Variants in WWC2 observed in about 807,000 individuals in gnomAD.
The protein encoded by WWC2 is protein WWC2.
WWC2 carries 101 observed loss-of-function variants against 138.5 expected under a neutral mutation model. The observed-to-expected ratio is 0.73, with a 90% CI of 0.62 to 0.86. The LOEUF (loss-of-function observed/expected upper bound fraction) is 0.86, where lower values mean the gene tolerates loss of function less well. WWC2 is among the 40% of genes least tolerant of loss of function. The pLI is 0.00. For synonymous variants in WWC2, 558 were observed against 538.4 expected, an observed-to-expected ratio of 1.04 and a Z score of -0.50; for missense variants, 1,420 against 1,419.4, an observed-to-expected ratio of 1.00 and a Z score of -0.01.
chr4:183,256,896 C>A (rs369282706), intron 9 of WWC2, among the ~76,000 whole-genome samples: 17 of 104,590 alleles, frequency 1.6e-4, no homozygotes, highest in South Asian at 6.1e-4. Context: ...CCCCCCCCCC[C>A]CCCCCCCGGC....
intron 1 of WWC2, among the ~76,000 whole-genome samples, chr4:183,176,640 C>T (rs910428842): frequency 6.6e-6 from 1 of 152,172 alleles, no homozygotes; most frequent in African/African-American, 2.4e-5. Context: ...CCAGGCTGGT[C>T]TCGAACTCCT....
intron 2 of WWC2, chr4:183,203,373 A>G (rs1735356327): frequency 1.3e-5 from 2 of 151,882 alleles, no homozygotes; most frequent in African/African-American, 2.4e-5. Context: ...TGGTAGTGCT[A>G]CCATATCATT....
chr4:183,207,221 ATTGTAGT>A (rs1735471561), intron 2 of WWC2, among the ~76,000 whole-genome samples: 1 of 151,122 alleles, frequency 6.6e-6, no homozygotes, highest in African/African-American at 2.4e-5. Context: ...TCTCTGGTTG[ATTGTAGT>A]TTGTGGAAGT....
At chr4:183,234,917 G>A (rs1364074520) in intron 4 of WWC2, among the ~76,000 whole-genome samples, 1 of 152,170 alleles carries the variant, frequency 6.6e-6, no homozygotes, top group East Asian at 1.9e-4. Flanking sequence ...TTGAGGCTGG[G>A]TTAGAGAACA....
At chr4:183,177,937 C>A (rs1318448308) in intron 1 of WWC2, among the ~76,000 whole-genome samples, 1 of 152,162 alleles carries the variant, frequency 6.6e-6, no homozygotes, top group East Asian at 1.9e-4. Flanking sequence ...CACTTTGGGA[C>A]CCTGCAAGAT....
intron 1 of WWC2, among the ~76,000 whole-genome samples, chr4:183,149,295 A>G (rs1281971124): frequency 1.1e-4 from 16 of 152,280 alleles, no homozygotes; most frequent in Admixed American, 9.8e-4. Context: ...GGGTGACAAA[A>G]TGACAAATAT....
chr4:183,249,568 C>CA (rs1348279097), intron 7 of WWC2, among the ~76,000 whole-genome samples: 1 of 152,010 alleles, frequency 6.6e-6, no homozygotes, highest in Non-Finnish European at 1.5e-5. Context: ...CTCATAAAGG[C>CA]AAAAAAATTA....
Position 183,278,235 on chromosome 4 carries a change from A to T in WWC2, c.2563-2541A>T, listed in dbSNP as rs1024724393. Among the ~76,000 whole-genome samples, 21 of 152,244 alleles carry T rather than the reference A, an allele frequency of 1.4e-4. No individual in the cohort carries two copies. The East Asian group carries it at 3.5e-3, about 25-fold the overall frequency. Reference sequence around the variant, plus strand: ...CCCAGCACCATTTATTAAATAGGGAATCCTTTCCCCATTTCTTGTTTTTCT... The same window carrying T: ...CCCAGCACCATTTATTAAATAGGGATTCCTTTCCCCATTTCTTGTTTTTCT... On this transcript the variant is annotated intron_variant, in intron 16 of 22. Coordinates refer to ENST00000403733, the MANE Select transcript of WWC2 (RefSeq NM_024949.6).
At chr4:183,166,253 A>G (rs1430125207) in intron 1 of WWC2, among the ~76,000 whole-genome samples, 1 of 152,050 alleles carries the variant, frequency 6.6e-6, no homozygotes, top group Non-Finnish European at 1.5e-5. Context: ...AGAATTGGGT[A>G]AGGCATTTGG....
intron 1 of WWC2, among the ~76,000 whole-genome samples, chr4:183,133,730 C>T (rs1374539745): frequency 6.6e-6 from 1 of 152,142 alleles, no homozygotes; most frequent in Non-Finnish European, 1.5e-5. Flanking sequence ...CTCCTCACCT[C>T]GTGATCTGCC....
intron 4 of WWC2, chr4:183,233,942 G>A (rs2111295071): frequency 6.6e-6 from 1 of 152,298 alleles, no homozygotes; most frequent in Admixed American, 6.5e-5. Flanking sequence ...TGGAGAAAAT[G>A]GTGAAAAGGG....
intron 1 of WWC2, among the ~76,000 whole-genome samples, chr4:183,124,708 G>T (rs1732708715): frequency 6.6e-6 from 1 of 151,434 alleles, no homozygotes; most frequent in South Asian, 2.1e-4. Context: ...TCCTGCCTCA[G>T]CCTCCCGAGT....
intron 1 of WWC2, among the ~76,000 whole-genome samples, chr4:183,177,840 G>A (rs1734508212): frequency 6.6e-6 from 1 of 152,050 alleles, no homozygotes; most frequent in Non-Finnish European, 1.5e-5. Flanking sequence ...GAAGCAGTTA[G>A]ACTTGGTTTA....
At chr4:183,251,611 CA>C (rs11299230) in intron 8 of WWC2, among the ~76,000 whole-genome samples, 4,045 of 152,278 alleles carry the variant, frequency 0.027, 186 homozygotes, top group African/African-American at 0.09. Context: ...TCTGATGACA[CA>C]AATAATAAAC....
intron 16 of WWC2, among the ~76,000 whole-genome samples, chr4:183,275,723 G>T (rs879025967): frequency 6.6e-6 from 1 of 151,922 alleles, no homozygotes; most frequent in Non-Finnish European, 1.5e-5. Flanking sequence ...CAGGATTTTC[G>T]TGTCTGTATT....
intron 6 of WWC2, among the ~76,000 whole-genome samples, chr4:183,247,789 T>C (rs1736847794): frequency 7.2e-6 from 1 of 138,016 alleles, no homozygotes; most frequent in East Asian, 2.1e-4. Flanking sequence ...ATATATATTA[T>C]ATATATAGTA....
At chr4:183,237,198 C>G (rs996524707) in intron 4 of WWC2, among the ~76,000 whole-genome samples, 1 of 151,774 alleles carries the variant, frequency 6.6e-6, no homozygotes, top group African/African-American at 2.4e-5. Context: ...AAGTTAATTC[C>G]TAGGTATTTT....
rs1736569267 is a variant in WWC2 at position 183,240,080 on chromosome 4, CTTTG to C, written c.523-99_523-96del. On this transcript the variant is annotated intron_variant, in intron 4 of 22. Transcript: ENST00000403733. ...AAGTAAATGTTACTTTAACTCATGGCTTTGTTTATGTGTTTGTTTACTAATTTAT... is the reference window on the plus strand; with the variant it reads ...AAGTAAATGTTACTTTAACTCATGGCTTTATGTGTTTGTTTACTAATTTAT... 24 of 763,048 alleles carry C rather than the reference CTTTG, an allele frequency of 3.1e-5. No homozygotes were observed. In the South Asian group the frequency reaches 4.8e-4, roughly 15 times the overall value. The allele number at this position is 763,048 out of a possible 1,614,324, so 47.3% of individuals were successfully genotyped here. A position where few individuals can be genotyped will look rare whatever the true frequency, so the allele number is the denominator to read the frequency against.
chr4:183,300,864 G>T (rs1580165166), intron 21 of WWC2, among the ~76,000 whole-genome samples: 1 of 152,050 alleles, frequency 6.6e-6, no homozygotes, highest in Non-Finnish European at 1.5e-5. Context: ...ACTGCCAAAA[G>T]ACTTCTCTGC....
Sources: gnomAD v4.1 joint callset for allele counts (sites outside exome capture counted in the v4.1 genomes callset) on GRCh38, gnomAD v4.1.1 for gene constraint, MANE v1.5 for transcripts, NCBI Gene and HGNC (gene_info 2026-07-23, HGNC 2026-07-21) for gene names.